MNAT1: variants seen among roughly 807,000 people sequenced by gnomAD.
MNAT1 encodes the protein CDK-activating kinase assembly factor MAT1.
MNAT1 carries 43 observed loss-of-function variants against 42.0 expected under a neutral mutation model. The ratio of observed to expected loss-of-function variants is 1.02; its 90% CI spans 0.80 to 1.32. The LOEUF is 1.32. Among genes scored for constraint, MNAT1 ranks in the 40% most tolerant of loss-of-function variants. MNAT1 has a pLI of 0.00. For missense variants in MNAT1, 306 were observed against 350.4 expected (o/e 0.87, Z 1.01); for synonymous variants, 118 against 120.0 (o/e 0.98, Z 0.11).
Position 60,734,852 on chromosome 14 carries a change from G to A in MNAT1, c.-11G>A, listed in dbSNP as rs1046511555. The A allele has an allele frequency of 5.0e-6, 8 of 1,613,872 alleles. No homozygotes were observed. The highest frequency in any genetic ancestry group is 2.2e-5 in the East Asian group (1 of 44,876). On this transcript the variant is annotated 5_prime_UTR_variant, in exon 1 of 8. Transcript: ENST00000261245. This position sits in a 1 kb window ranked among gnomAD's most constrained non-coding sequence, Gnocchi z 4.3. ...CAGGCGCCTGCGAGAGTCTGTAGGA[G>A]GGAAACCGCCATGGACGATCAGGGT...
intron 7 of MNAT1, among the ~76,000 whole-genome samples, chr14:60,929,168 A>AT (rs57837834): frequency 2.5e-3 from 214 of 86,002 alleles, no homozygotes; most frequent in African/African-American, 0.012. Context: ...AAAAAAAAAA[A>AT]AAATATATAT....
intron 1 of MNAT1, among the ~76,000 whole-genome samples, chr14:60,785,821 A>G (rs2031630466): frequency 6.6e-6 from 1 of 152,188 alleles, no homozygotes; most frequent in South Asian, 2.1e-4. Flanking sequence ...AGGATAGCCA[A>G]CTGTTTAGCT....
At chr14:60,794,167 A>G (rs2031923622) in intron 1 of MNAT1, among the ~76,000 whole-genome samples, 1 of 152,272 alleles carries the variant, frequency 6.6e-6, no homozygotes, top group South Asian at 2.1e-4. Flanking sequence ...ACTTATAAAT[A>G]TCTTTAGTTA....
chr14:60,804,778 A>G (rs1176309739), intron 3 of MNAT1, among the ~76,000 whole-genome samples: 1 of 152,184 alleles, frequency 6.6e-6, no homozygotes, highest in Non-Finnish European at 1.5e-5. Flanking sequence ...CCTGGCCTCA[A>G]GTGATCCAGA....
chr14:60,914,867 A>G (rs1348386231), intron 7 of MNAT1, among the ~76,000 whole-genome samples: 1 of 152,220 alleles, frequency 6.6e-6, no homozygotes, highest in Non-Finnish European at 1.5e-5. Context: ...CAGAGTGAAC[A>G]TGGGTAGCAA....
intron 7 of MNAT1, among the ~76,000 whole-genome samples, chr14:60,889,927 C>T (rs1449835152): frequency 1.3e-5 from 2 of 152,150 alleles, no homozygotes; most frequent in Non-Finnish European, 2.9e-5. Context: ...ATTAGAATGG[C>T]AATCATTAAA....
intron 7 of MNAT1, among the ~76,000 whole-genome samples, chr14:60,929,168 AAAAT>A (rs1269701398): frequency 1.2e-4 from 10 of 86,142 alleles, no homozygotes; most frequent in African/African-American, 2.9e-4. Flanking sequence ...AAAAAAAAAA[AAAAT>A]ATATATATAT....
chr14:60,841,031 A>T (rs1390482361), intron 6 of MNAT1, among the ~76,000 whole-genome samples: 2 of 152,136 alleles, frequency 1.3e-5, no homozygotes, highest in Non-Finnish European at 2.9e-5. Context: ...ACTTGAAGAT[A>T]ATTTCTATTT....
chr14:60,826,584 GC>G (rs1373317491), intron 6 of MNAT1, among the ~76,000 whole-genome samples: 6 of 152,060 alleles, frequency 3.9e-5, no homozygotes. Context: ...CTCCCAAAGT[GC>G]TGGGATTATA....
intron 6 of MNAT1, among the ~76,000 whole-genome samples, chr14:60,862,595 A>G (rs572617102): frequency 2.0e-5 from 3 of 152,236 alleles, no homozygotes; most frequent in Non-Finnish European, 4.4e-5. Flanking sequence ...TGTGGAGGTC[A>G]GGGCATGTAC....
chr14:60,879,613 T>G (rs1231891167), intron 6 of MNAT1, 101 bp from the exon 7 acceptor site: 2 of 1,203,134 alleles, frequency 1.7e-6, no homozygotes, highest in Non-Finnish European at 2.3e-6. Flanking sequence ...TGGCTAATAC[T>G]TCTAATGTGA....
rs2035452552 is a variant in MNAT1 at position 60,914,014 on chromosome 14, C to T, written c.809+34179C>T. 3.3e-5 allele frequency among the ~76,000 whole-genome samples: 5 copies of T among 152,350 alleles called. No individual in the cohort carries two copies. In the South Asian group the frequency reaches 8.3e-4, roughly 25 times the overall value. ...GGCTGCTTTGTTTACCTACTCAAGC[C>T]TGAGCAATGGCAGGTGCCCCTCCCC... is the stretch of plus-strand genomic sequence containing the variant. On this transcript the variant is annotated intron_variant, in intron 7 of 7. Transcript: ENST00000261245.
intron 6 of MNAT1, among the ~76,000 whole-genome samples, chr14:60,862,221 A>T (rs1395715205): frequency 1.3e-5 from 2 of 152,202 alleles, no homozygotes; most frequent in East Asian, 3.8e-4. Context: ...AAGTCTTATG[A>T]TTTTTAAATA....
chr14:60,910,440 A>T (rs529699697), intron 7 of MNAT1, among the ~76,000 whole-genome samples: 1 of 152,176 alleles, frequency 6.6e-6, no homozygotes, highest in Non-Finnish European at 1.5e-5. Flanking sequence ...TTGTCCATTC[A>T]GTATGATATT....
At chr14:60,790,776 T>G (rs2140321774) in intron 1 of MNAT1, among the ~76,000 whole-genome samples, 1 of 152,314 alleles carries the variant, frequency 6.6e-6, no homozygotes, top group South Asian at 2.1e-4. Context: ...AAGCCAGTTA[T>G]TTGACTTCTC....
At chr14:60,910,074 C>G (rs2035312524) in intron 7 of MNAT1, among the ~76,000 whole-genome samples, 1 of 152,106 alleles carries the variant, frequency 6.6e-6, no homozygotes, top group Non-Finnish European at 1.5e-5. Flanking sequence ...GTATTTTATT[C>G]TCTTTGAAGC....
At chr14:60,788,701 A>T (rs2031728091) in intron 1 of MNAT1, among the ~76,000 whole-genome samples, 1 of 152,208 alleles carries the variant, frequency 6.6e-6, no homozygotes, top group Non-Finnish European at 1.5e-5. Flanking sequence ...TATGTTATGG[A>T]AACAGCATCT....
intron 7 of MNAT1, among the ~76,000 whole-genome samples, chr14:60,956,045 A>G (rs2036482431): frequency 6.6e-6 from 1 of 151,838 alleles, no homozygotes; most frequent in South Asian, 2.1e-4. Context: ...TCCTGACTGT[A>G]ACTTTGGGCT....
At chr14:60,891,427 G>A (rs2034840927) in intron 7 of MNAT1, among the ~76,000 whole-genome samples, 1 of 150,452 alleles carries the variant, frequency 6.6e-6, no homozygotes. Context: ...ATGTTAGATT[G>A]TTGATTTAAG....
Sources: gnomAD v4.1 joint callset for allele counts (sites outside exome capture counted in the v4.1 genomes callset) on GRCh38, gnomAD v4.1.1 for gene constraint, Gnocchi (gnomAD v3.1) non-coding constraint, MANE v1.5 for transcripts, NCBI Gene and HGNC (gene_info 2026-07-23, HGNC 2026-07-21) for gene names.